Variants in CADPS2 observed in about 807,000 individuals in gnomAD.
CADPS2 encodes calcium dependent secretion activator 2.
A neutral mutation model predicts 172.5 loss-of-function variants in CADPS2; 93 were observed. The ratio of observed to expected loss-of-function variants is 0.54; its 90% CI spans 0.46 to 0.64. CADPS2 has a LOEUF of 0.64. Among genes scored for constraint, CADPS2 ranks in the 30% least tolerant of loss-of-function variants. The pLI, the probability that CADPS2 is intolerant of heterozygous loss-of-function variation, is 0.00. For missense variants in CADPS2, 1,420 were observed against 1,565.9 expected (o/e 0.91, Z 1.57); for synonymous variants, 546 against 555.2 (o/e 0.98, Z 0.23).
chr7:122,871,880 C>T (rs906562742), intron 1 of CADPS2, among the ~76,000 whole-genome samples: 10 of 152,078 alleles, frequency 6.6e-5, no homozygotes, highest in Non-Finnish European at 1.0e-4. Context: ...AGCCTTCTTT[C>T]CAGTCTTAAA....
At chr7:122,649,814 C>T (rs912063236) in intron 3 of CADPS2, among the ~76,000 whole-genome samples, 2 of 150,874 alleles carry the variant, frequency 1.3e-5, no homozygotes, top group African/African-American at 4.9e-5. Context: ...CATATTAATG[C>T]CTTGAGGGAA....
At chr7:122,410,483 T>C (rs1394218716) in intron 19 of CADPS2, among the ~76,000 whole-genome samples, 2 of 148,280 alleles carry the variant, frequency 1.3e-5, no homozygotes, top group Admixed American at 6.8e-5. Flanking sequence ...TTTACAACAG[T>C]GGCAGGTAAA....
intron 2 of CADPS2, among the ~76,000 whole-genome samples, chr7:122,704,929 A>C (rs2086746572): frequency 6.6e-6 from 1 of 151,994 alleles, no homozygotes; most frequent in African/African-American, 2.4e-5. Context: ...AGCTCCACAT[A>C]ATAAGAAATT....
At chr7:122,520,226 T>G (rs1283980092) in intron 8 of CADPS2, among the ~76,000 whole-genome samples, 1 of 152,048 alleles carries the variant, frequency 6.6e-6, no homozygotes, top group Non-Finnish European at 1.5e-5. Flanking sequence ...GGCAATAGAT[T>G]TATTGAGTAA....
chr7:122,627,507 C>T (rs558675164), intron 4 of CADPS2, among the ~76,000 whole-genome samples: 8 of 152,304 alleles, frequency 5.3e-5, no homozygotes, highest in Non-Finnish European at 1.0e-4. Flanking sequence ...CATTAGGGTT[C>T]TCTCAAGGAG....
At chr7:122,692,682 A>T (rs755567660) in intron 2 of CADPS2, among the ~76,000 whole-genome samples, 7 of 152,246 alleles carry the variant, frequency 4.6e-5, no homozygotes, top group Non-Finnish European at 7.3e-5. Context: ...GTTCATGAGT[A>T]CACCAAACGT....
In CADPS2 at chr7:122,522,909, C is replaced by A. The variant is rs562163890; in HGVS notation, c.1476-9594G>T. ...TGGCTGCAAACGACAGGATTTCATT[C>A]TTTTTTATAGCTACATAGTATTCCA... On this transcript the variant is annotated intron_variant, in intron 8 of 29. Transcript: ENST00000449022. 5.3e-5 allele frequency among the ~76,000 whole-genome samples: 8 copies of A among 152,222 alleles called. No homozygotes were observed. In the South Asian group the frequency reaches 1.7e-3, roughly 32 times the overall value.
intron 24 of CADPS2, among the ~76,000 whole-genome samples, chr7:122,383,437 A>G (rs1228437706): frequency 6.6e-6 from 1 of 152,102 alleles, no homozygotes; most frequent in African/African-American, 2.4e-5. Flanking sequence ...TATCGACAAC[A>G]AAAGTTGAAA....
chr7:122,753,538 T>C (rs750824481), intron 1 of CADPS2, among the ~76,000 whole-genome samples: 43 of 152,172 alleles, frequency 2.8e-4, no homozygotes, highest in Non-Finnish European at 5.9e-5. Context: ...AAACCTAACC[T>C]TAAATAATGG....
rs142174263 is a variant in CADPS2 at position 122,686,251 on chromosome 7, G to A, written c.454-22682C>T. Among the ~76,000 whole-genome samples the A allele has an allele frequency of 2.6e-4, 39 of 152,196 alleles. No homozygotes were observed. The East Asian group carries it at 6.0e-3, about 23-fold the overall frequency. ...CCTTGACAGTTGTGATAGTGGTAGC[G>A]GATAGAGAAACCAGTACTGGGAGAG... On this transcript the variant is annotated intron_variant, in intron 2 of 29. Coordinates refer to ENST00000449022, the MANE Select transcript of CADPS2 (RefSeq NM_017954.11).
intron 8 of CADPS2, among the ~76,000 whole-genome samples, chr7:122,525,228 T>C (rs947859131): frequency 1.3e-5 from 2 of 152,172 alleles, no homozygotes; most frequent in Non-Finnish European, 2.9e-5. Flanking sequence ...GGCCTCTTCT[T>C]CTAGTATGTT....
intron 3 of CADPS2, among the ~76,000 whole-genome samples, chr7:122,635,591 C>A (rs2076993228): frequency 1.3e-5 from 2 of 152,098 alleles, no homozygotes; most frequent in Non-Finnish European, 2.9e-5. Context: ...CATCTATGTC[C>A]TTACAAAGGA....
At chr7:122,499,248 G>C (rs2059002908) in intron 9 of CADPS2, among the ~76,000 whole-genome samples, 1 of 152,098 alleles carries the variant, frequency 6.6e-6, no homozygotes, top group African/African-American at 2.4e-5. Context: ...TTCTTTATAA[G>C]ATCTCTGTTC....
At chr7:122,778,375 A>G (rs906845061) in intron 1 of CADPS2, among the ~76,000 whole-genome samples, 14 of 152,212 alleles carry the variant, frequency 9.2e-5, no homozygotes, top group Admixed American at 3.3e-4. Context: ...ATATAATAGA[A>G]AAGAAAAAGA....
chr7:122,717,358 C>T (rs2089755976), intron 2 of CADPS2, among the ~76,000 whole-genome samples: 2 of 151,986 alleles, frequency 1.3e-5, no homozygotes, highest in Non-Finnish European at 2.9e-5. Context: ...ACATAAAAAC[C>T]AGATTACAAA....
At position 122,832,723 on chromosome 7, in the gene CADPS2, C is replaced by A. The variant is rs1376007706; in HGVS notation, c.339+53276G>T. Among the ~76,000 whole-genome samples the A allele has an allele frequency of 3.3e-5, 5 of 152,076 alleles. No homozygotes were observed. The South Asian group carries it at 6.2e-4, about 19-fold the overall frequency. ...GTTACAAATATAAACTGAAGTAATT[C>A]AAAAATGTGTCTGACAAAACTTTAA... On this transcript the variant is annotated intron_variant, in intron 1 of 29. Coordinates refer to ENST00000449022, the MANE Select transcript of CADPS2 (RefSeq NM_017954.11).
rs578002982 is a variant in CADPS2, at chr7:122,522,303, C to T, written c.1476-8988G>A. Among the ~76,000 whole-genome samples the T allele has an allele frequency of 1.3e-4, 20 of 151,968 alleles. No individual in the cohort carries two copies. In the South Asian group the frequency reaches 1.5e-3, roughly 11 times the overall value. On this transcript the variant is annotated intron_variant, in intron 8 of 29. Transcript: ENST00000449022. ...CTAATTTTTGTACTTTTGGTAGAGACGGGGTTTCACCATGTTGCTCAGGCT... is the reference window on the plus strand; with the variant it reads ...CTAATTTTTGTACTTTTGGTAGAGATGGGGTTTCACCATGTTGCTCAGGCT...
At chr7:122,792,084 T>C (rs902436042) in intron 1 of CADPS2, among the ~76,000 whole-genome samples, 10 of 152,264 alleles carry the variant, frequency 6.6e-5, no homozygotes, top group African/African-American at 1.9e-4. Flanking sequence ...AGCCATAACC[T>C]TGTACCAAGC....
chr7:122,364,781 C>G (rs1200785871), intron 25 of CADPS2, among the ~76,000 whole-genome samples: 1 of 150,630 alleles, frequency 6.6e-6, no homozygotes, highest in Non-Finnish European at 1.5e-5. Context: ...TTAATGAGTA[C>G]CTAGGATAAG....
Sources: gnomAD v4.1 joint callset for allele counts (sites outside exome capture counted in the v4.1 genomes callset) on GRCh38, gnomAD v4.1.1 for gene constraint, MANE v1.5 for transcripts, NCBI Gene and HGNC (gene_info 2026-07-23, HGNC 2026-07-21) for gene names.